Variants in ZDHHC7 observed in about 807,000 individuals in gnomAD.
The protein encoded by ZDHHC7 is palmitoyltransferase ZDHHC7.
Under a neutral mutation model 34.1 loss-of-function variants are expected in ZDHHC7, and 12 were observed. That is an observed-to-expected ratio of 0.35 (90% confidence interval 0.23 to 0.57). The LOEUF is 0.57. ZDHHC7 is among the 20% of genes least tolerant of loss of function. The pLI, the probability that ZDHHC7 is intolerant of heterozygous loss-of-function variation, is 0.84. For synonymous variants in ZDHHC7, 185 were observed against 155.4 expected (o/e 1.19, Z -1.42); for missense variants, 388 against 402.7 (o/e 0.96, Z 0.31).
At chr16:84,986,919 A>G (rs965978606) in intron 3 of ZDHHC7, among the ~76,000 whole-genome samples, 1 of 151,644 alleles carries the variant, frequency 6.6e-6, no homozygotes, top group African/African-American at 2.4e-5. Flanking sequence ...GAAGAAATCA[A>G]CTCCCCACTG....
the ZDHHC7 span, among the ~76,000 whole-genome samples, chr16:85,022,504 A>G: frequency 6.6e-6 from 1 of 151,978 alleles, no homozygotes; most frequent in East Asian, 1.9e-4. Flanking sequence ...GCCTGGGCAA[A>G]AGAGTAAGAC....
upstream of ZDHHC7, among the ~76,000 whole-genome samples, chr16:85,014,623 C>G (rs2072826806): frequency 6.6e-6 from 1 of 152,148 alleles, no homozygotes; most frequent in Non-Finnish European, 1.5e-5. Context: ...TGCAAACATG[C>G]TACATGATCC....
At chr16:85,023,132 T>C in the ZDHHC7 span, among the ~76,000 whole-genome samples, 25 of 152,084 alleles carry the variant, frequency 1.6e-4, no homozygotes, top group East Asian at 4.8e-3. Flanking sequence ...TCCAGAACTG[T>C]AAGATAATAT....
chr16:85,022,061 G>A, the ZDHHC7 span, among the ~76,000 whole-genome samples: 8 of 151,766 alleles, frequency 5.3e-5, no homozygotes, highest in Admixed American at 2.0e-4. Flanking sequence ...TCAGGAGGCT[G>A]AGGCAGGAGA....
upstream of ZDHHC7, among the ~76,000 whole-genome samples, chr16:85,014,606 T>C (rs1243124953): frequency 1.3e-5 from 2 of 152,112 alleles, no homozygotes; most frequent in Admixed American, 1.3e-4. Flanking sequence ...GTGTAAGAAG[T>C]GGAAGTTGCA....
At chr16:84,990,671 A>C in intron 2 of ZDHHC7, 36 bp from the exon 3 acceptor site, 1 of 1,557,162 alleles carries the variant, frequency 6.4e-7, no homozygotes, top group East Asian at 2.3e-5. Flanking sequence ...GGTAAGGCTC[A>C]AAAAGCTCAC....
chr16:84,993,189 C>T (rs1159652858), intron 2 of ZDHHC7, among the ~76,000 whole-genome samples: 2 of 151,810 alleles, frequency 1.3e-5, no homozygotes, highest in African/African-American at 4.8e-5. Flanking sequence ...GGCATGGTGG[C>T]TTGCGCTTAT....
rs886684938 is a variant in ZDHHC7 at position 84,975,264 on chromosome 16, C to G, written c.*1079G>C. The G allele has an allele frequency of 1.3e-4, 20 of 152,694 alleles. No individual in the cohort carries two copies. Among genetic ancestry groups the G allele is most frequent in the African/African-American group, 4.8e-4 (20 of 41,460 alleles). 9.5% of individuals were successfully genotyped at this position (152,694 alleles called of 1,614,324 possible). On this transcript the variant is annotated 3_prime_UTR_variant, in exon 8 of 8. Transcript: ENST00000313732. ...CCTGCGGTGGCACAGTCGCCCCTGC[C>G]AGGGGCTGGCTGCCTCATGGTCCCC...
chr16:84,998,931 T>C (rs891534702), intron 1 of ZDHHC7, among the ~76,000 whole-genome samples: 2 of 151,976 alleles, frequency 1.3e-5, no homozygotes, highest in African/African-American at 4.8e-5. Flanking sequence ...TTTTTTGTAT[T>C]TTTAGTAGAA....
intron 3 of ZDHHC7, among the ~76,000 whole-genome samples, chr16:84,984,165 G>A (rs768774613): frequency 2.0e-5 from 3 of 151,818 alleles, no homozygotes; most frequent in Non-Finnish European, 2.9e-5. Context: ...GATTATAGGC[G>A]TGCGCCACCA....
At chr16:84,997,222 T>A (rs1485019442) in intron 1 of ZDHHC7, among the ~76,000 whole-genome samples, 2 of 151,574 alleles carry the variant, frequency 1.3e-5, no homozygotes, top group Non-Finnish European at 2.9e-5. Flanking sequence ...AACTTCCTGG[T>A]TATTCTACAA....
chr16:85,022,742 G>C, the ZDHHC7 span, among the ~76,000 whole-genome samples: 6,545 of 152,214 alleles, frequency 0.043, 437 homozygotes, highest in African/African-American at 0.14. Context: ...GTCAAGCATA[G>C]TATCACCAAT....
At chr16:84,994,059 G>C (rs1384601645) in intron 2 of ZDHHC7, among the ~76,000 whole-genome samples, 2 of 152,216 alleles carry the variant, frequency 1.3e-5, no homozygotes, top group Non-Finnish European at 2.9e-5. Flanking sequence ...CTCCGCTGAA[G>C]CCCTGGGCAC....
chr16:84,988,100 G>A (rs945366865), intron 3 of ZDHHC7, among the ~76,000 whole-genome samples: 7 of 152,190 alleles, frequency 4.6e-5, no homozygotes, highest in African/African-American at 1.7e-4. Context: ...AACCCCTGGG[G>A]GCGGAGGTTG....
At chr16:84,996,595 G>A (rs1247733395) in intron 1 of ZDHHC7, among the ~76,000 whole-genome samples, 1 of 152,080 alleles carries the variant, frequency 6.6e-6, no homozygotes, top group Non-Finnish European at 1.5e-5. Flanking sequence ...CCAAGAAAAA[G>A]GTCTAAAGAC....
At chr16:85,025,145 G>C in the ZDHHC7 span, among the ~76,000 whole-genome samples, 1 of 152,100 alleles carries the variant, frequency 6.6e-6, no homozygotes, top group Non-Finnish European at 1.5e-5. Context: ...AGGCATGGCG[G>C]TGCGCACCTG....
chr16:85,026,780 G>C, the ZDHHC7 span, among the ~76,000 whole-genome samples: 1 of 152,044 alleles, frequency 6.6e-6, no homozygotes, highest in East Asian at 1.9e-4. Context: ...TTTAGAGACA[G>C]AGCTTGATCA....
At chr16:85,015,644 T>A (rs1338560147), upstream of ZDHHC7, among the ~76,000 whole-genome samples, 1 of 152,044 alleles carries the variant, frequency 6.6e-6, no homozygotes, top group African/African-American at 2.4e-5. Context: ...TGAGGCCAGT[T>A]TGAGACCAGC....
chr16:84,996,692 G>A (rs931906884), intron 1 of ZDHHC7, among the ~76,000 whole-genome samples: 8 of 152,098 alleles, frequency 5.3e-5, no homozygotes, highest in Admixed American at 1.3e-4. Flanking sequence ...CCCCCGCCAC[G>A]GACACAGAGG....
Sources: allele counts gnomAD v4.1 joint callset (sites outside exome capture counted in the v4.1 genomes callset), GRCh38; gene constraint gnomAD v4.1.1; transcripts MANE v1.5; gene names NCBI Gene and HGNC (gene_info 2026-07-23, HGNC 2026-07-21).